Variants in FAIM2 observed in about 807,000 individuals in gnomAD.
FAIM2 encodes Fas apoptotic inhibitory molecule 2.
In FAIM2, 27 loss-of-function variants were observed where a neutral mutation model predicts 47.4. The observed-to-expected ratio is 0.57, with a 90% CI of 0.42 to 0.78. The LOEUF is 0.78. Ranked by LOEUF, FAIM2 falls within the 30% of genes least tolerant of loss-of-function variation. The probability of loss-of-function intolerance (pLI) is 0.00; values close to 1 mark genes in which losing one functional copy is unlikely to be tolerated. For missense variants in FAIM2, 311 were observed against 389.4 expected (o/e 0.80, Z 1.69); for synonymous variants, 156 against 159.3 (o/e 0.98, Z 0.16).
chr12:49,879,516 G>A (rs1592786466), intron 11 of FAIM2, among the ~76,000 whole-genome samples: 1 of 150,940 alleles, frequency 6.6e-6, no homozygotes, highest in Non-Finnish European at 1.5e-5. Context: ...ATGTGCATGT[G>A]TGTGTGTCCA....
chr12:49,879,845 T>C (rs1946793231), intron 11 of FAIM2, among the ~76,000 whole-genome samples: 3 of 145,824 alleles, frequency 2.1e-5, no homozygotes, highest in Admixed American at 2.0e-4. Flanking sequence ...CATGTGTGAG[T>C]GTATGTATGT....
intron 11 of FAIM2, among the ~76,000 whole-genome samples, chr12:49,880,020 CTG>C (rs1264406064): frequency 1.9e-4 from 26 of 135,474 alleles, no homozygotes; most frequent in Non-Finnish European, 2.8e-4. Flanking sequence ...GTGTATGTGT[CTG>C]TGTGCATGTG....
At position 49,890,710 on chromosome 12, in the gene FAIM2, G is replaced by A; in HGVS notation, c.498C>T (p.Pro166=). ...ACCSGPRRHF[P]WNLILLTVFT... The stretch of plus-strand genomic sequence containing the variant: ...AGACGGTCAGGAGAATCAGGTTCCA[G>A]GGGAAATGCCTCCTGCAAGGCAAGC... The change falls in exon 7 of 12, where the codon CCC becomes CCT. Residue 166 remains proline (P), a synonymous_variant. Transcript: ENST00000320634. 6.2e-7 allele frequency: 1 copy of A among 1,614,086 alleles called. No individual in the cohort carries two copies.
chr12:49,877,372 G>A (rs763096014), intron 11 of FAIM2, among the ~76,000 whole-genome samples: 1 of 152,226 alleles, frequency 6.6e-6, no homozygotes, highest in African/African-American at 2.4e-5. Context: ...GGGGCGTCGG[G>A]GAGGCCTCAG....
chr12:49,882,538 C>T (rs1436009248), intron 11 of FAIM2, among the ~76,000 whole-genome samples: 1 of 152,162 alleles, frequency 6.6e-6, no homozygotes, highest in Non-Finnish European at 1.5e-5. Flanking sequence ...GGGGAACTGG[C>T]CCCATGCTCT....
At chr12:49,901,011 A>T in intron 2 of FAIM2, 119 bp downstream of exon 2, 1 of 738,026 alleles carries the variant, frequency 1.4e-6, no homozygotes, top group Non-Finnish European at 2.1e-6. Context: ...ATCTAACAAC[A>T]CAGCTTCATA....
intron 11 of FAIM2, among the ~76,000 whole-genome samples, chr12:49,880,784 G>A (rs978623480): frequency 6.6e-6 from 1 of 151,962 alleles, no homozygotes; most frequent in African/African-American, 2.4e-5. Flanking sequence ...ATATGAGTGT[G>A]TATGTATATG....
Position 49,870,430 on chromosome 12 carries a change from G to T in FAIM2, c.*74C>A. On this transcript the variant is annotated 3_prime_UTR_variant, in exon 12 of 12. Coordinates refer to ENST00000320634, the MANE Select transcript of FAIM2 (RefSeq NM_012306.4). The stretch of plus-strand genomic sequence containing the variant: ...GGCAGCTAGTTTTATATCTGGTCTC[G>T]CAGGAGCGCAGGGGAGGGACAGGGA... 1 of 1,386,630 alleles carries T rather than the reference G, an allele frequency of 7.2e-7. No individual in the cohort carries two copies. The highest frequency in any genetic ancestry group is 1.0e-6 in the Non-Finnish European group (1 of 990,178). 85.9% of individuals were successfully genotyped at this position (1,386,630 alleles called of 1,614,324 possible).
rs1946793473 is a variant in FAIM2, at chr12:49,879,854, G to A, written c.801+7532C>T. ...TGCGTGCATGTGTGAGTGTATGTATGTTCATGTGTATATGTACGTGTATGT... is the reference window on the plus strand; with the variant it reads ...TGCGTGCATGTGTGAGTGTATGTATATTCATGTGTATATGTACGTGTATGT... On this transcript the variant is annotated intron_variant, in intron 11 of 11. Coordinates refer to ENST00000320634, the MANE Select transcript of FAIM2 (RefSeq NM_012306.4). 2.0e-5 allele frequency among the ~76,000 whole-genome samples: 3 copies of A among 151,962 alleles called. No homozygotes were observed. In the South Asian group the frequency reaches 6.2e-4, roughly 32 times the overall value.
At position 49,868,261 on chromosome 12, in the gene FAIM2, G is replaced by A. The variant is rs1037075897; in HGVS notation, c.*2243C>T. On this transcript the variant is annotated 3_prime_UTR_variant, in exon 12 of 12. Coordinates refer to ENST00000320634, the MANE Select transcript of FAIM2 (RefSeq NM_012306.4). ...GGAGGTGGAGGAGGGTGGGAACCGG[G>A]TGAGAAAGTCAGTGGAGAGAAATGT... 1.3e-5 allele frequency: 2 copies of A among 152,408 alleles called. No individual in the cohort carries two copies. The highest frequency in any genetic ancestry group is 4.8e-5 in the African/African-American group (2 of 41,456). 9.4% of individuals were successfully genotyped at this position (152,408 alleles called of 1,614,324 possible). A position where few individuals can be genotyped will look rare whatever the true frequency, so the allele number is the denominator to read the frequency against.
chr12:49,889,614 G>T (rs774156733), intron 8 of FAIM2, 46 bp from the exon 9 acceptor site: 2 of 1,511,944 alleles, frequency 1.3e-6, no homozygotes, highest in Non-Finnish European at 9.2e-7. Flanking sequence ...CAGGGCATCT[G>T]GTCTCCCCCA....
Position 49,876,920 on chromosome 12 carries a change from T to G in FAIM2, c.802-6267A>C, listed in dbSNP as rs112486148. Reference sequence around the variant, plus strand: ...AGCCCCATTTTAAAGATGAGGCCAGTGAGGCACAGAGCAGTCAGGTCATTT... The same window carrying G: ...AGCCCCATTTTAAAGATGAGGCCAGGGAGGCACAGAGCAGTCAGGTCATTT... On this transcript the variant is annotated intron_variant, in intron 11 of 11. Coordinates refer to ENST00000320634, the MANE Select transcript of FAIM2 (RefSeq NM_012306.4). Among the ~76,000 whole-genome samples the G allele has an allele frequency of 5.6e-3, 847 of 152,274 alleles. 5 individuals carry two copies. The highest frequency in any genetic ancestry group is 9.7e-3 in the Non-Finnish European group (660 of 68,028).
At chr12:49,872,600 C>T (rs1011872326) in intron 11 of FAIM2, among the ~76,000 whole-genome samples, 6 of 152,180 alleles carry the variant, frequency 3.9e-5, no homozygotes, top group Non-Finnish European at 8.8e-5. Flanking sequence ...ATGCTCCCCC[C>T]GGCAGGCCCA....
chr12:49,876,556 G>A (rs995616551), intron 11 of FAIM2, among the ~76,000 whole-genome samples: 8 of 151,816 alleles, frequency 5.3e-5, no homozygotes, highest in Non-Finnish European at 1.0e-4. Flanking sequence ...CATGTCAGGA[G>A]ATCGAGACCA....
intron 2 of FAIM2, among the ~76,000 whole-genome samples, chr12:49,899,462 C>A (rs1022937071): frequency 2.0e-5 from 3 of 152,202 alleles, no homozygotes; most frequent in Non-Finnish European, 2.9e-5. Context: ...GGCCTCCCTG[C>A]GCAGCACCCT....
chr12:49,880,353 T>C (rs988472823), intron 11 of FAIM2, among the ~76,000 whole-genome samples: 1 of 148,060 alleles, frequency 6.8e-6, no homozygotes, highest in African/African-American at 2.5e-5. Flanking sequence ...TGTATGTGCA[T>C]GTATGTATAT....
rs1946676226 is a variant in FAIM2, at chr12:49,868,076, T to C, written c.*2428A>G. On this transcript the variant is annotated 3_prime_UTR_variant, in exon 12 of 12. Coordinates refer to ENST00000320634, the MANE Select transcript of FAIM2 (RefSeq NM_012306.4). The stretch of plus-strand genomic sequence containing the variant: ...TGAATAAGCTTCTAAATCCCCAGTT[T>C]CTGCAGTAACTTATCCCAGGGAGAG... 1 of 153,118 alleles carries C rather than the reference T, an allele frequency of 6.5e-6. No homozygotes were observed. Among genetic ancestry groups the C allele is most frequent in the South Asian group, 2.1e-4 (1 of 4,828 alleles). 9.5% of individuals were successfully genotyped at this position (153,118 alleles called of 1,614,324 possible).
chr12:49,872,668 A>C (rs903141369), intron 11 of FAIM2, among the ~76,000 whole-genome samples: 1 of 152,192 alleles, frequency 6.6e-6, no homozygotes, highest in Non-Finnish European at 1.5e-5. Context: ...AGGCAGGGCC[A>C]CCGTCAAAGG....
intron 5 of FAIM2, 128 bp from the exon 6 acceptor site, chr12:49,891,242 C>T (rs1946898084): frequency 1.2e-6 from 1 of 810,366 alleles, no homozygotes; most frequent in African/African-American, 1.7e-5. Flanking sequence ...ATGGGGAGGC[C>T]ACGGTCATCC....
Sources: allele counts gnomAD v4.1 joint callset (sites outside exome capture counted in the v4.1 genomes callset), GRCh38; gene constraint gnomAD v4.1.1; transcripts MANE v1.5; gene names NCBI Gene and HGNC (gene_info 2026-07-23, HGNC 2026-07-21).